TMPRSS15: variants seen among roughly 807,000 people sequenced by gnomAD.
The protein encoded by TMPRSS15 is enteropeptidase.
A neutral mutation model predicts 125.3 loss-of-function variants in TMPRSS15; 128 were observed. That is an observed-to-expected ratio of 1.02 (90% CI 0.89 to 1.18). The LOEUF is 1.18. TMPRSS15 is among the 50% of genes most tolerant of loss of function. TMPRSS15 has a pLI of 0.00. For missense variants in TMPRSS15, 1,283 were observed against 1,212.7 expected, an observed-to-expected ratio of 1.06 and a Z score of -0.86; for synonymous variants, 446 against 423.2, an observed-to-expected ratio of 1.05 and a Z score of -0.66.
intron 1 of TMPRSS15, among the ~76,000 whole-genome samples, chr21:18,414,185 AAC>A (rs894825359): frequency 1.3e-5 from 2 of 151,938 alleles, no homozygotes; most frequent in East Asian, 1.9e-4. Flanking sequence ...CTCCATTTTT[AAC>A]AGTTTTTTTT....
intron 24 of TMPRSS15, 127 bp from the exon 25 acceptor site, chr21:18,270,251 TC>T (rs2074539324): frequency 1.3e-6 from 1 of 792,556 alleles, no homozygotes; most frequent in Non-Finnish European, 2.0e-6. Context: ...TTGCAAGTCA[TC>T]TGTATATATT....
At chr21:18,378,814 A>T (rs918626385) in intron 5 of TMPRSS15, among the ~76,000 whole-genome samples, 3 of 152,146 alleles carry the variant, frequency 2.0e-5, no homozygotes, top group Non-Finnish European at 2.9e-5. Flanking sequence ...GTTGGCACAA[A>T]GTAGATACTT....
Position 18,279,079 on chromosome 21 carries a change from G to A in TMPRSS15, c.2669-20C>T, listed in dbSNP as rs2074658256. 7.9e-7 allele frequency: 1 copy of A among 1,269,100 alleles called. No individual in the cohort carries two copies. The highest frequency in any genetic ancestry group is 1.5e-5 in the African/African-American group (1 of 67,550). The allele number at this position is 1,269,100 out of a possible 1,614,324, so 78.6% of individuals were successfully genotyped here. A position where few individuals can be genotyped will look rare whatever the true frequency, so the allele number is the denominator to read the frequency against. ...TGTAATCTGGAAAAACAAGCAAACA[G>A]CAAAACGAACAAACGAAGAAAAAGA... is the stretch of plus-strand genomic sequence containing the variant. On this transcript the variant is annotated intron_variant, in intron 22 of 24. Coordinates refer to ENST00000284885, the MANE Select transcript of TMPRSS15 (RefSeq NM_002772.3).
chr21:18,331,070 C>A (rs1302625112), intron 14 of TMPRSS15, among the ~76,000 whole-genome samples: 1 of 72,552 alleles, frequency 1.4e-5, no homozygotes, highest in Admixed American at 1.5e-4. Flanking sequence ...GAGACTCCAT[C>A]TCAAAAAAAA....
chr21:18,322,436 T>C (rs2075248339), intron 16 of TMPRSS15, among the ~76,000 whole-genome samples: 1 of 152,226 alleles, frequency 6.6e-6, no homozygotes, highest in South Asian at 2.1e-4. Context: ...CTATGTTTAC[T>C]GCAGCACTAT....
chr21:18,395,442 G>A (rs954206235), intron 3 of TMPRSS15, among the ~76,000 whole-genome samples: 3 of 152,140 alleles, frequency 2.0e-5, no homozygotes, highest in African/African-American at 4.8e-5. Flanking sequence ...AGTGAGGAAA[G>A]CATTAGGTGA....
At chr21:18,307,162 A>G (rs2075046953) in intron 18 of TMPRSS15, among the ~76,000 whole-genome samples, 1 of 152,224 alleles carries the variant, frequency 6.6e-6, no homozygotes, top group Non-Finnish European at 1.5e-5. Context: ...TCTTTCAATT[A>G]CTAGAGCACT....
intron 1 of TMPRSS15, among the ~76,000 whole-genome samples, chr21:18,455,605 T>C (rs1252799723): frequency 1.3e-5 from 2 of 152,162 alleles, no homozygotes; most frequent in Non-Finnish European, 2.9e-5. Context: ...ACATTAGCTC[T>C]TTGCAGAGGT....
rs112447565 is a variant in TMPRSS15 at position 18,269,682 on chromosome 21, T to A, written c.*287A>T. On this transcript the variant is annotated 3_prime_UTR_variant, in exon 25 of 25. Coordinates refer to ENST00000284885, the MANE Select transcript of TMPRSS15 (RefSeq NM_002772.3). ...CATCCCTTTAAACAACAGTAAGTAA[T>A]AAAAATAATCATTAAGAATTTTAAA... 1.0e-3 allele frequency: 344 copies of A among 340,320 alleles called. 2 individuals are homozygous for A. The highest frequency in any genetic ancestry group is 6.2e-3 in the African/African-American group (294 of 47,110). The allele number at this position is 340,320 out of a possible 1,614,324, so 21.1% of individuals were successfully genotyped here.
At chr21:18,294,930 A>T (rs2074884482) in intron 19 of TMPRSS15, among the ~76,000 whole-genome samples, 1 of 152,188 alleles carries the variant, frequency 6.6e-6, no homozygotes, top group African/African-American at 2.4e-5. Flanking sequence ...GGGTAATAAT[A>T]CTTTATTGGA....
At chr21:18,467,824 CG>C (rs111700345) in intron 1 of TMPRSS15, among the ~76,000 whole-genome samples, 8 of 152,040 alleles carry the variant, frequency 5.3e-5, no homozygotes, top group African/African-American at 1.9e-4. Flanking sequence ...TACCAATAAA[CG>C]AATCTAAGAA....
In TMPRSS15 at chr21:18,426,252, A is replaced by G. The variant is rs954395432; in HGVS notation, c.11-27923T>C. Among the ~76,000 whole-genome samples, 6 of 152,204 alleles carry G rather than the reference A, an allele frequency of 3.9e-5. 1 individual carries two copies. Among genetic ancestry groups the G allele is most frequent in the Admixed American group, 1.3e-4 (2 of 15,284 alleles). On this transcript the variant is annotated intron_variant, in intron 1 of 7. Coordinates refer to the TMPRSS15 transcript ENST00000422787. ...TATGAAGTAGGAATTATTATTATCT[A>G]CTTTTTATGCAAAATACCAAGGAGT...
chr21:18,449,309 G>T lies in TMPRSS15; in HGVS notation c.10+36490C>A, dbSNP rs76134002. Among the ~76,000 whole-genome samples, 3 of 152,114 alleles carry T rather than the reference G, an allele frequency of 2.0e-5. No individual in the cohort carries two copies. In the South Asian group the frequency reaches 6.2e-4, roughly 32 times the overall value. On this transcript the variant is annotated intron_variant, in intron 1 of 7. Coordinates refer to the TMPRSS15 transcript ENST00000422787. ...TAATGCATATAGTATGCTGTGAGAT[G>T]GTGATCTTAAGTTTATTTCATAGAT...
At chr21:18,276,369 A>G (rs1282706962) in intron 23 of TMPRSS15, among the ~76,000 whole-genome samples, 2 of 152,216 alleles carry the variant, frequency 1.3e-5, no homozygotes, top group African/African-American at 2.4e-5. Flanking sequence ...TCAAGGTACC[A>G]GCATGGCAGT....
At chr21:18,477,474 T>C (rs1028680137) in intron 1 of TMPRSS15, 16 of 152,134 alleles carry the variant, frequency 1.1e-4, no homozygotes, top group African/African-American at 3.6e-4. Context: ...TAAGATATCA[T>C]TTCTCCTTTA....
At chr21:18,475,562 A>G (rs1978865203) in intron 1 of TMPRSS15, among the ~76,000 whole-genome samples, 1 of 152,226 alleles carries the variant, frequency 6.6e-6, no homozygotes, top group Admixed American at 6.5e-5. Context: ...ACTGCACTCC[A>G]GCCTGGATGA....
At chr21:18,457,363 A>G (rs1265063899) in intron 1 of TMPRSS15, among the ~76,000 whole-genome samples, 1 of 152,012 alleles carries the variant, frequency 6.6e-6, no homozygotes, top group Non-Finnish European at 1.5e-5. Context: ...TTTCTCACCT[A>G]CCCCAACTTC....
Position 18,343,984 on chromosome 21 carries a change from G to A in TMPRSS15, c.1248C>T (p.Pro416=). ...AACTAAGGCAAGCTGGCTCCAAAGT[G>A]GGGTCCAAAGGGAGGCTTAAAAGCC... The part of the protein sequence containing the change: ...RVGLLSLPLD[P]TLEPACLSFW... The change falls in exon 11 of 25, where the codon CCC becomes CCT. Residue 416 remains proline, a synonymous_variant. Coordinates refer to ENST00000284885, the MANE Select transcript of TMPRSS15 (RefSeq NM_002772.3). The A allele has an allele frequency of 6.2e-7, 1 of 1,614,058 alleles. No individual in the cohort carries two copies. Among genetic ancestry groups the A allele is most frequent in the South Asian group, 1.1e-5 (1 of 91,070 alleles).
chr21:18,390,919 G>A (rs925934495), intron 3 of TMPRSS15, among the ~76,000 whole-genome samples: 1 of 152,148 alleles, frequency 6.6e-6, no homozygotes, highest in Non-Finnish European at 1.5e-5. Flanking sequence ...AGCCTAAGGG[G>A]AAGCAAGGAC....
Sources: gnomAD v4.1 joint callset for allele counts (sites outside exome capture counted in the v4.1 genomes callset) on GRCh38, gnomAD v4.1.1 for gene constraint, MANE v1.5 for transcripts, NCBI Gene and HGNC (gene_info 2026-07-23, HGNC 2026-07-21) for gene names.